Variants in LAMA2 observed in about 807,000 individuals in gnomAD.
LAMA2 encodes the protein laminin subunit alpha-2.
LAMA2 carries 269 observed loss-of-function variants against 364.8 expected under a neutral mutation model. The observed-to-expected ratio is 0.74, with a 90% CI of 0.67 to 0.82. The LOEUF is 0.82. Ranked by LOEUF, LAMA2 falls within the 40% of genes least tolerant of loss-of-function variation. LAMA2 has a pLI of 0.00. For synonymous variants in LAMA2, 1,379 were observed against 1,370.6 expected (o/e 1.01, Z -0.14); for missense variants, 3,807 against 3,873.2 (o/e 0.98, Z 0.45).
At chr6:129,394,107 G>C (rs972617901) in intron 37 of LAMA2, among the ~76,000 whole-genome samples, 5 of 151,828 alleles carry the variant, frequency 3.3e-5, no homozygotes, top group African/African-American at 4.8e-5. Context: ...CTTTTCCTAA[G>C]AGTAAACTCA....
At chr6:129,392,757 C>G (rs1172851857) in intron 36 of LAMA2, among the ~76,000 whole-genome samples, 1 of 152,226 alleles carries the variant, frequency 6.6e-6, no homozygotes, top group African/African-American at 2.4e-5. Flanking sequence ...AATCTTAAAA[C>G]TCATTTCATC....
intron 1 of LAMA2, among the ~76,000 whole-genome samples, chr6:128,997,057 A>G (rs1053809732): frequency 2.0e-5 from 3 of 151,852 alleles, no homozygotes; most frequent in African/African-American, 4.8e-5. Flanking sequence ...GTTCTCACTC[A>G]TAAGTGGGTG....
chr6:129,497,272 C>CT (rs1335816517), intron 58 of LAMA2, among the ~76,000 whole-genome samples: 3 of 151,102 alleles, frequency 2.0e-5, no homozygotes, highest in African/African-American at 7.3e-5. Flanking sequence ...TTTTCTTGCT[C>CT]TGTCACCCAG....
intron 29 of LAMA2, among the ~76,000 whole-genome samples, chr6:129,336,800 A>G (rs1308776936): frequency 6.6e-6 from 1 of 152,234 alleles, no homozygotes; most frequent in Non-Finnish European, 1.5e-5. Context: ...AGTACACTCT[A>G]GTGATATCTC....
Position 129,313,100 on chromosome 6 carries a change from A to G in LAMA2, c.3411+3A>G. On this transcript the variant is annotated splice_donor_region_variant and intron_variant, in intron 23 of 64. Transcript: ENST00000421865. Reference sequence around the variant, plus strand: ...AAACTGGGCAGTGCACTTGTAAGGTATGTGCTGCTGACATGCAGCTAGGGA... The same window carrying G: ...AAACTGGGCAGTGCACTTGTAAGGTGTGTGCTGCTGACATGCAGCTAGGGA... The G allele has an allele frequency of 6.4e-7, 1 of 1,571,866 alleles. No homozygotes were observed. The highest frequency in any genetic ancestry group is 1.1e-5 in the South Asian group (1 of 88,850).
In LAMA2 at chr6:129,046,482, A is replaced by G. The variant is rs1447399240; in HGVS notation, c.113-3436A>G. Among the ~76,000 whole-genome samples the G allele has an allele frequency of 1.1e-3, 164 of 152,288 alleles. 3 individuals are homozygous for G. Among genetic ancestry groups the G allele is most frequent in the Admixed American group, 0.011 (163 of 15,292 alleles). ...AAAATCGCCAGATATTATGAGACTT[A>G]TTTACTATCACGAGAACAGCATGAG... is the stretch of plus-strand genomic sequence containing the variant. On this transcript the variant is annotated intron_variant, in intron 1 of 64. Transcript: ENST00000421865.
intron 22 of LAMA2, among the ~76,000 whole-genome samples, chr6:129,307,383 G>A (rs537047119): frequency 1.3e-5 from 2 of 152,264 alleles, no homozygotes; most frequent in South Asian, 2.1e-4. Flanking sequence ...TCAAGAGAAC[G>A]CTTCTGCACA....
intron 34 of LAMA2, among the ~76,000 whole-genome samples, chr6:129,373,257 A>G (rs148801594): frequency 1.4e-3 from 206 of 152,308 alleles, no homozygotes; most frequent in African/African-American, 4.7e-3. Context: ...TAGGAGCGTT[A>G]CAGTTTTGCA....
At chr6:129,198,372 T>A (rs1001030980) in intron 12 of LAMA2, among the ~76,000 whole-genome samples, 1 of 152,188 alleles carries the variant, frequency 6.6e-6, no homozygotes, top group Non-Finnish European at 1.5e-5. Context: ...AGGATTACAA[T>A]CCAGATGTGT....
intron 12 of LAMA2, among the ~76,000 whole-genome samples, chr6:129,230,424 G>A (rs1784608999): frequency 6.6e-6 from 1 of 152,108 alleles, no homozygotes; most frequent in Admixed American, 6.6e-5. Context: ...GATAGCAAGT[G>A]TAGACTTGTC....
rs186760425 is a variant in LAMA2 at position 128,937,887 on chromosome 6, A to C, written c.112+54530A>C. 5.4e-5 allele frequency among the ~76,000 whole-genome samples: 8 copies of C among 148,476 alleles called. No homozygotes were observed. The East Asian group carries it at 1.6e-3, about 30-fold the overall frequency. ...GGTATAAAGTTAAGTTGTTCATTTT[A>C]GATCTTTTTTTTTAATATAGGCATT... is the stretch of plus-strand genomic sequence containing the variant. On this transcript the variant is annotated intron_variant, in intron 1 of 64. Coordinates refer to ENST00000421865, the MANE Select transcript of LAMA2 (RefSeq NM_000426.4).
chr6:129,144,121 C>T, intron 5 of LAMA2, 41 bp downstream of exon 5: 1 of 1,470,730 alleles, frequency 6.8e-7, no homozygotes, highest in Non-Finnish European at 9.5e-7. Context: ...CAAATGATAT[C>T]CCACTTATCT....
At chr6:129,189,706 A>G (rs1008888833) in intron 10 of LAMA2, among the ~76,000 whole-genome samples, 2 of 152,152 alleles carry the variant, frequency 1.3e-5, no homozygotes, top group Non-Finnish European at 2.9e-5. Context: ...TCAAATGTAC[A>G]TATTTTTAAT....
chr6:129,148,911 T>C, intron 6 of LAMA2, 68 bp from the exon 7 acceptor site: 1 of 1,005,886 alleles, frequency 9.9e-7, no homozygotes, highest in Non-Finnish European at 1.6e-6. Context: ...ATAGTACCTT[T>C]AGAGAGAGGC....
At chr6:129,280,865 CT>C (rs1369638036) in intron 18 of LAMA2, among the ~76,000 whole-genome samples, 1 of 152,150 alleles carries the variant, frequency 6.6e-6, no homozygotes, top group East Asian at 1.9e-4. Flanking sequence ...ATAGTCCCTG[CT>C]GCCACCCTTC....
intron 1 of LAMA2, among the ~76,000 whole-genome samples, chr6:128,969,557 A>G (rs1196131020): frequency 1.3e-5 from 2 of 152,030 alleles, no homozygotes; most frequent in African/African-American, 2.4e-5. Flanking sequence ...CAGCCACGAG[A>G]GTAGCTGGGA....
chr6:129,415,903 T>C (rs1217305747), intron 40 of LAMA2, among the ~76,000 whole-genome samples: 1 of 151,648 alleles, frequency 6.6e-6, no homozygotes, highest in Non-Finnish European at 1.5e-5. Context: ...GCCAACCCTG[T>C]CCAAAGGGAA....
At position 129,514,039 on chromosome 6, in the gene LAMA2, C is replaced by T. The variant is rs75072989; in HGVS notation, c.8989-334C>T. 4.3e-4 allele frequency among the ~76,000 whole-genome samples: 65 copies of T among 152,210 alleles called. No individual in the cohort carries two copies. The East Asian group carries it at 5.4e-3, about 13-fold the overall frequency. ...TCAGAACTCTCACATTCTAAAAAGA[C>T]GTGAGGTAGAATTTTTCCCTGTGTA... On this transcript the variant is annotated intron_variant, in intron 63 of 64. Transcript: ENST00000421865.
intron 4 of LAMA2, among the ~76,000 whole-genome samples, chr6:129,105,885 C>G (rs2114888918): frequency 6.6e-6 from 1 of 152,256 alleles, no homozygotes; most frequent in Non-Finnish European, 1.5e-5. Context: ...TTTTCCCTTT[C>G]TTTGACTCAC....
Sources: gnomAD v4.1 joint callset for allele counts (sites outside exome capture counted in the v4.1 genomes callset) on GRCh38, gnomAD v4.1.1 for gene constraint, MANE v1.5 for transcripts, NCBI Gene and HGNC (gene_info 2026-07-23, HGNC 2026-07-21) for gene names.